Variants in RTN4RL1 observed in about 807,000 individuals in gnomAD.
RTN4RL1 encodes the protein reticulon 4 receptor like 1, also known as reticulon-4 receptor-like 1.
In RTN4RL1, 7 loss-of-function variants were observed where a neutral mutation model predicts 25.6. The ratio of observed to expected loss-of-function variants is 0.27; its 90% CI spans 0.16 to 0.51. The LOEUF is 0.51. Ranked by LOEUF, RTN4RL1 falls within the 20% of genes least tolerant of loss-of-function variation. The pLI is 0.97. For missense variants in RTN4RL1, 500 were observed against 615.6 expected, an observed-to-expected ratio of 0.81 and a Z score of 1.99; for synonymous variants, 297 against 288.2, an observed-to-expected ratio of 1.03 and a Z score of -0.31.
intron 1 of RTN4RL1, among the ~76,000 whole-genome samples, chr17:1,971,009 G>A (rs938344581): frequency 1.3e-5 from 2 of 152,320 alleles, no homozygotes; most frequent in South Asian, 2.1e-4. Flanking sequence ...GCCAGTGACT[G>A]TGAAGGCACA....
chr17:1,936,305 C>A lies in RTN4RL1; in HGVS notation c.*191G>T. ...GACAGCCGGCTGAGAAGCGCCACCC[C>A]CTCCCGCCTAGGGCTGTACACTTTG... On this transcript the variant is annotated 3_prime_UTR_variant, in exon 2 of 2. Transcript: ENST00000331238. 1 of 1,377,780 alleles carries A rather than the reference C, an allele frequency of 7.3e-7. No homozygotes were observed. Among genetic ancestry groups the A allele is most frequent in the South Asian group, 1.7e-5 (1 of 57,644 alleles). 85.3% of individuals were successfully genotyped at this position (1,377,780 alleles called of 1,614,324 possible).
chr17:1,935,186 C>G lies in RTN4RL1; in HGVS notation c.*1310G>C, dbSNP rs1363533231. 6.5e-6 allele frequency: 1 copy of G among 152,684 alleles called. No homozygotes were observed. Among genetic ancestry groups the G allele is most frequent in the African/African-American group, 2.4e-5 (1 of 41,416 alleles). The allele number at this position is 152,684 out of a possible 1,614,324, so 9.5% of individuals were successfully genotyped here. ...CGTCCAGGCCGTCACTGACCAAACG[C>G]TAGGCTGACGACACGGTCCGACCCT... On this transcript the variant is annotated 3_prime_UTR_variant, in exon 2 of 2. Coordinates refer to ENST00000331238, the MANE Select transcript of RTN4RL1 (RefSeq NM_178568.4).
At chr17:2,016,143 G>A (rs1242610852) in intron 1 of RTN4RL1, among the ~76,000 whole-genome samples, 2 of 152,210 alleles carry the variant, frequency 1.3e-5, no homozygotes, top group Non-Finnish European at 2.9e-5. Flanking sequence ...CACTTTGGGA[G>A]GCCGAGTTGG....
chr17:1,972,648 C>T (rs1490972747), intron 1 of RTN4RL1, among the ~76,000 whole-genome samples: 1 of 152,202 alleles, frequency 6.6e-6, no homozygotes, highest in East Asian at 1.9e-4. Flanking sequence ...GTTTTCCCGC[C>T]CACGTGGAGC....
intron 1 of RTN4RL1, among the ~76,000 whole-genome samples, chr17:1,997,914 G>A (rs539081129): frequency 1.3e-5 from 2 of 152,332 alleles, no homozygotes; most frequent in Admixed American, 6.5e-5. Flanking sequence ...GGCAGGGGCC[G>A]GCGCGCTCCT....
At chr17:1,946,925 C>CATCTCTGTGTGAATGTGTGT (rs1157156074) in intron 1 of RTN4RL1, among the ~76,000 whole-genome samples, 3 of 112,520 alleles carry the variant, frequency 2.7e-5, no homozygotes, top group African/African-American at 1.1e-4. Flanking sequence ...TGTCTGTGTG[C>CATCTCTGTGTGAATGTGTGT]ATCTCTGTGT....
chr17:1,968,626 T>G (rs1424226292), intron 1 of RTN4RL1, among the ~76,000 whole-genome samples: 1 of 152,044 alleles, frequency 6.6e-6, no homozygotes. Context: ...TGTGCCATGT[T>G]CCCTCCCATC....
Position 1,936,081 on chromosome 17 carries a change from T to G in RTN4RL1, c.*415A>C. 1 of 1,002,366 alleles carries G rather than the reference T, an allele frequency of 1.0e-6. No individual in the cohort carries two copies. The highest frequency in any genetic ancestry group is 1.1e-4 in the East Asian group (1 of 9,522). 62.1% of individuals were successfully genotyped at this position (1,002,366 alleles called of 1,614,324 possible). Reference sequence around the variant, plus strand: ...ACCCAGCCTCGTGGGTGAGCCTCATTTGTTCTTCTCTGCGTCCTGCTTTCT... The same window carrying G: ...ACCCAGCCTCGTGGGTGAGCCTCATGTGTTCTTCTCTGCGTCCTGCTTTCT... On this transcript the variant is annotated 3_prime_UTR_variant, in exon 2 of 2. Coordinates refer to ENST00000331238, the MANE Select transcript of RTN4RL1 (RefSeq NM_178568.4).
chr17:1,987,697 G>A (rs921293847), intron 1 of RTN4RL1, among the ~76,000 whole-genome samples: 1 of 146,726 alleles, frequency 6.8e-6, no homozygotes, highest in Non-Finnish European at 1.5e-5. Context: ...TGCCTGCACT[G>A]CAGATGTGTG....
At position 1,936,862 on chromosome 17, in the gene RTN4RL1, G is replaced by C; in HGVS notation, c.960C>G (p.Thr320=). Residue 320 remains threonine, a synonymous_variant, in exon 2 of 2, where the codon ACC becomes ACG. Transcript: ENST00000331238. ...PHQIKSHTLT[T]TDRAARKEHH... is the part of the protein sequence containing the mutation. ...GTTCCTTGCGGGCGGCCCTGTCGGT[G>C]GTGGTGAGCGTGTGTGACTTGATCT... 1 of 1,593,424 alleles carries C rather than the reference G, an allele frequency of 6.3e-7. No individual in the cohort carries two copies. Among genetic ancestry groups the C allele is most frequent in the Non-Finnish European group, 8.5e-7 (1 of 1,169,680 alleles).
intron 1 of RTN4RL1, among the ~76,000 whole-genome samples, chr17:1,964,793 T>C (rs569235365): frequency 3.1e-4 from 45 of 146,086 alleles, no homozygotes; most frequent in East Asian, 1.6e-3. Context: ...CTTTTCTTTT[T>C]TTTTTTTTTT....
At chr17:1,968,122 T>C (rs1185466025) in intron 1 of RTN4RL1, among the ~76,000 whole-genome samples, 1 of 152,144 alleles carries the variant, frequency 6.6e-6, no homozygotes, top group Non-Finnish European at 1.5e-5. Flanking sequence ...CACCGTGACC[T>C]GTGCATATAC....
At chr17:1,939,189 A>G (rs188889102) in intron 1 of RTN4RL1, among the ~76,000 whole-genome samples, 13 of 151,322 alleles carry the variant, frequency 8.6e-5, no homozygotes, top group East Asian at 1.9e-4. Flanking sequence ...CGTCTCTACT[A>G]AAAATACAAA....
At chr17:1,942,784 T>C (rs1915466799) in intron 1 of RTN4RL1, among the ~76,000 whole-genome samples, 1 of 152,068 alleles carries the variant, frequency 6.6e-6, no homozygotes, top group South Asian at 2.1e-4. Context: ...CAGCCCCAGA[T>C]GTGCCTACAA....
At chr17:1,948,842 G>A (rs959621310) in intron 1 of RTN4RL1, among the ~76,000 whole-genome samples, 1 of 152,094 alleles carries the variant, frequency 6.6e-6, no homozygotes, top group Non-Finnish European at 1.5e-5. Context: ...GCCCAGGCTG[G>A]AGTGCAGTGG....
chr17:2,005,768 T>C (rs578059662), intron 1 of RTN4RL1, among the ~76,000 whole-genome samples: 25 of 146,058 alleles, frequency 1.7e-4, no homozygotes, highest in African/African-American at 4.9e-4. Flanking sequence ...TCTCTCTCCT[T>C]CTCTTTCTTT....
intron 1 of RTN4RL1, chr17:2,019,007 T>C (rs1192776166): frequency 6.6e-6 from 1 of 152,194 alleles, no homozygotes; most frequent in East Asian, 1.9e-4. Flanking sequence ...CTCATTCTAG[T>C]GATGGACACC....
intron 1 of RTN4RL1, among the ~76,000 whole-genome samples, chr17:1,963,066 T>C (rs974578313): frequency 1.3e-5 from 2 of 151,936 alleles, no homozygotes; most frequent in Non-Finnish European, 2.9e-5. Flanking sequence ...GCCTCCTGAG[T>C]AGTTGGAATT....
chr17:2,009,181 C>T (rs762460823), intron 1 of RTN4RL1, among the ~76,000 whole-genome samples: 8 of 152,272 alleles, frequency 5.3e-5, no homozygotes, highest in South Asian at 2.1e-4. Flanking sequence ...CAGGGTTCGC[C>T]GGGCTTGGTG....
Sources: gnomAD v4.1 joint callset for allele counts (sites outside exome capture counted in the v4.1 genomes callset) on GRCh38, gnomAD v4.1.1 for gene constraint, MANE v1.5 for transcripts, NCBI Gene and HGNC (gene_info 2026-07-23, HGNC 2026-07-21) for gene names.